Variants in GPRIN2 observed in about 807,000 individuals in gnomAD.
The protein encoded by GPRIN2 is G protein regulated inducer of neurite outgrowth 2.
In GPRIN2, 1 loss-of-function variant was observed where a neutral mutation model predicts 0.3. That is an observed-to-expected ratio of 3.90 (90% CI 1.39 to 18.51). The LOEUF (loss-of-function observed/expected upper bound fraction) is 18.51. GPRIN2 is among the 30% of genes most tolerant of loss of function. The pLI, the probability that GPRIN2 is intolerant of heterozygous loss-of-function variation, is 0.11. For synonymous variants in GPRIN2, 361 were observed against 258.6 expected (o/e 1.40, Z -3.80); for missense variants, 880 against 604.2 (o/e 1.46, Z -4.79).
rs892960307 is a variant in GPRIN2, at chr10:46,542,100, C to T, written c.*7260G>A. On this transcript the variant is annotated 3_prime_UTR_variant, in exon 3 of 3. Coordinates refer to ENST00000374314, the MANE Select transcript of GPRIN2 (RefSeq NM_001385282.1). ...ACAAAGCTTGTGTACAAAATGACAC[C>T]CTTGGCCACCATCTCCCAGTCTGTT... Among the ~76,000 whole-genome samples the T allele has an allele frequency of 3.9e-5, 6 of 152,410 alleles. No individual in the cohort carries two copies. The highest frequency in any genetic ancestry group is 2.6e-4 in the Admixed American group (4 of 15,306).
In GPRIN2 at chr10:46,542,507, C is replaced by T. The variant is rs1247963873; in HGVS notation, c.*6853G>A. ...TCTGCATTCATTTTCCTTCCTGCTGCCTTGTGAAGAAGGTGCCTTGCTTCT... is the reference window on the plus strand; with the variant it reads ...TCTGCATTCATTTTCCTTCCTGCTGTCTTGTGAAGAAGGTGCCTTGCTTCT... On this transcript the variant is annotated 3_prime_UTR_variant, in exon 3 of 3. Transcript: ENST00000374314. Among the ~76,000 whole-genome samples the T allele has an allele frequency of 6.6e-6, 1 of 152,310 alleles. No individual in the cohort carries two copies. Among genetic ancestry groups the T allele is most frequent in the Non-Finnish European group, 1.5e-5 (1 of 68,058 alleles).
upstream of GPRIN2, among the ~76,000 whole-genome samples, chr10:46,556,949 G>T (rs1843314610): frequency 6.6e-6 from 1 of 152,252 alleles, no homozygotes; most frequent in Non-Finnish European, 1.5e-5. Context: ...GGGTGTATAG[G>T]CGCAGCTCCC....
At chr10:46,552,703 C>T (rs1232133075) in intron 2 of GPRIN2, among the ~76,000 whole-genome samples, 1 of 152,308 alleles carries the variant, frequency 6.6e-6, no homozygotes, top group South Asian at 2.1e-4. Flanking sequence ...CAGCAGGGGG[C>T]TACTGCAACT....
At position 46,547,523 on chromosome 10, in the gene GPRIN2, G is replaced by A. The variant is rs1842274525; in HGVS notation, c.*1837C>T. Among the ~76,000 whole-genome samples, 1 of 152,308 alleles carries A rather than the reference G, an allele frequency of 6.6e-6. No individual in the cohort carries two copies. ...CAGGCACATCCAAGTATCTGACCAG[G>A]CTGTTCCATCTGCCAGGCAGGTCCT... On this transcript the variant is annotated 3_prime_UTR_variant, in exon 3 of 3. Transcript: ENST00000374314.
chr10:46,547,325 A>G lies in GPRIN2; in HGVS notation c.*2035T>C, dbSNP rs1021522157. 6.6e-5 allele frequency among the ~76,000 whole-genome samples: 10 copies of G among 152,422 alleles called. No homozygotes were observed. The highest frequency in any genetic ancestry group is 1.3e-4 in the Admixed American group (2 of 15,314). On this transcript the variant is annotated 3_prime_UTR_variant, in exon 3 of 3. Transcript: ENST00000374314. Reference sequence around the variant, plus strand: ...CACATCTCCACTGGAAGCCAAATGGATATTTCTAAACTGAAATCTGGTCCC... The same window carrying G: ...CACATCTCCACTGGAAGCCAAATGGGTATTTCTAAACTGAAATCTGGTCCC...
chr10:46,556,235 A>G (rs1831845309), intron 1 of GPRIN2, among the ~76,000 whole-genome samples: 45 of 152,342 alleles, frequency 3.0e-4, no homozygotes, highest in African/African-American at 1.0e-3. Flanking sequence ...TGGAGGCCGA[A>G]GGAGACAGGG....
intron 2 of GPRIN2, among the ~76,000 whole-genome samples, 194 bp from the exon 3 acceptor site, chr10:46,550,936 T>C (rs1842528416): frequency 6.6e-6 from 1 of 152,312 alleles, no homozygotes; most frequent in Admixed American, 6.5e-5. Flanking sequence ...CATCTCACAT[T>C]AGACACAAGG....
At position 46,550,449 on chromosome 10, in the gene GPRIN2, G is replaced by C; in HGVS notation, c.288C>G (p.Gly96=). ...AGGHWWSSTV[G]NVSTMGGSDL... ...CACTGCCGCCCATGGTGGACACATT[G>C]CCCACAGTGCTGCTCCACCAGTGGC... Residue 96 remains glycine (G), a synonymous_variant, in exon 3 of 3, where the codon GGC becomes GGG. Transcript: ENST00000374314. 1 of 1,611,830 alleles carries C rather than the reference G, an allele frequency of 6.2e-7. No homozygotes were observed. Among genetic ancestry groups the C allele is most frequent in the Non-Finnish European group, 8.5e-7 (1 of 1,179,716 alleles).
rs1842037659 is a variant in GPRIN2 at position 46,545,083 on chromosome 10, C to T, written c.*4277G>A. 6.6e-6 allele frequency among the ~76,000 whole-genome samples: 1 copy of T among 152,308 alleles called. No homozygotes were observed. Among genetic ancestry groups the T allele is most frequent in the Non-Finnish European group, 1.5e-5 (1 of 68,056 alleles). On this transcript the variant is annotated 3_prime_UTR_variant, in exon 3 of 3. Coordinates refer to ENST00000374314, the MANE Select transcript of GPRIN2 (RefSeq NM_001385282.1). The stretch of plus-strand genomic sequence containing the variant: ...AAGCTCTGCATTTAACTAACCAAGG[C>T]TGCTTGGCGTGAACAAAACTGAGAC...
At chr10:46,553,235 C>T (rs1183645111) in intron 2 of GPRIN2, among the ~76,000 whole-genome samples, 1 of 152,312 alleles carries the variant, frequency 6.6e-6, no homozygotes, top group Non-Finnish European at 1.5e-5. Context: ...ACCCTTTTTA[C>T]TGATCTGGCC....
In GPRIN2 at chr10:46,545,226, T is replaced by C. The variant is rs1314522155; in HGVS notation, c.*4134A>G. 2.0e-5 allele frequency among the ~76,000 whole-genome samples: 3 copies of C among 152,308 alleles called. No homozygotes were observed. The highest frequency in any genetic ancestry group is 2.9e-5 in the Non-Finnish European group (2 of 68,058). ...CTGTGACTCCCTCTGGTGGTTTCTG[T>C]GCACAACTTCCCCCAAAATAGGCCC... On this transcript the variant is annotated 3_prime_UTR_variant, in exon 3 of 3. Transcript: ENST00000374314.
chr10:46,552,749 C>T (rs1842754237), intron 2 of GPRIN2, among the ~76,000 whole-genome samples: 1 of 152,308 alleles, frequency 6.6e-6, no homozygotes, highest in Admixed American at 6.5e-5. Flanking sequence ...TTGAATCTAA[C>T]TGGCCACATG....
intron 2 of GPRIN2, among the ~76,000 whole-genome samples, chr10:46,553,113 G>A (rs1157609836): frequency 6.6e-6 from 1 of 152,310 alleles, no homozygotes; most frequent in African/African-American, 2.4e-5. Context: ...CTACAGACAG[G>A]AGAATTCCAT....
intron 2 of GPRIN2, among the ~76,000 whole-genome samples, chr10:46,551,998 T>C (rs1842668780): frequency 1.3e-5 from 2 of 152,312 alleles, no homozygotes; most frequent in Non-Finnish European, 2.9e-5. Flanking sequence ...TTATCTGCTG[T>C]GTGCCTGACC....
rs1555020427 is a variant in GPRIN2 at position 46,550,522 on chromosome 10, A to G, written c.215T>C (p.Met72Thr). 19 of 1,600,318 alleles carry G rather than the reference A, an allele frequency of 1.2e-5. No individual in the cohort carries two copies. The Admixed American group carries it at 2.4e-4, about 20-fold the overall frequency. ...GGGGCCAGAGGCCCGTGCTGGCTTC[A>G]TGCTCTCAGGCGGGTTCCCCTCTTC... The part of the protein sequence containing the change: ...PEEEGNPPES[M>T]KPARASGPKA... The change falls in exon 3 of 3, where the codon ATG becomes ACG. Residue 72 changes from methionine to threonine, a missense_variant. Physicochemically the swap from Met to Thr is moderately conservative, Grantham distance 81. Transcript: ENST00000374314.
intron 2 of GPRIN2, among the ~76,000 whole-genome samples, chr10:46,551,026 T>C (rs1842541225): frequency 6.6e-6 from 1 of 152,308 alleles, no homozygotes; most frequent in East Asian, 1.9e-4. Flanking sequence ...GCCGCCACTC[T>C]ATCAGCTCTC....
Position 46,549,774 on chromosome 10 carries a change from G to C in GPRIN2, c.963C>G (p.Asp321Glu), listed in dbSNP as rs1461914045. The change falls in exon 3 of 3, where the codon GAC becomes GAG. Residue 321 changes from aspartate to glutamate, a missense_variant. Asp to Glu is a conservative substitution (Grantham distance 45, BLOSUM62 2). Coordinates refer to ENST00000374314, the MANE Select transcript of GPRIN2 (RefSeq NM_001385282.1). ...GCGGGGATGCCTCTGCAGGGGCCAA[G>C]TCATTGGCTGAGGTCATGGTCCACA... is the stretch of plus-strand genomic sequence containing the variant. ...KDVWTMTSANDLAPAEASPLS... is the reference protein window; with the variant it reads ...KDVWTMTSANELAPAEASPLS... 6.2e-7 allele frequency: 1 copy of C among 1,614,082 alleles called. No individual in the cohort carries two copies. Among genetic ancestry groups the C allele is most frequent in the Non-Finnish European group, 8.5e-7 (1 of 1,180,052 alleles).
rs1832189446 is a variant in GPRIN2 at position 46,551,446 on chromosome 10, T to C, written c.-6-704A>G. The C allele has an allele frequency of 1.1e-4, 113 of 985,438 alleles. No homozygotes were observed. The African/African-American group carries it at 1.8e-3, about 16-fold the overall frequency. The allele number at this position is 985,438 out of a possible 1,614,324, so 61.0% of individuals were successfully genotyped here. A position where few individuals can be genotyped will look rare whatever the true frequency, so the allele number is the denominator to read the frequency against. On this transcript the variant is annotated intron_variant, in intron 2 of 2. Transcript: ENST00000374314. Reference sequence around the variant, plus strand: ...GCTCCAGGGGCAAGGAGAGGCCCCATGCATCAGCTTTTTCCATGAGGGACT... The same window carrying C: ...GCTCCAGGGGCAAGGAGAGGCCCCACGCATCAGCTTTTTCCATGAGGGACT...
chr10:46,553,648 C>A (rs1842853019), intron 2 of GPRIN2, among the ~76,000 whole-genome samples: 1 of 152,310 alleles, frequency 6.6e-6, no homozygotes. Context: ...GGCTGCCCAG[C>A]ACCCAGGGCT....
Sources: allele counts gnomAD v4.1 joint callset (sites outside exome capture counted in the v4.1 genomes callset), GRCh38; gene constraint gnomAD v4.1.1; transcripts MANE v1.5; gene names NCBI Gene and HGNC (gene_info 2026-07-23, HGNC 2026-07-21).